Variants in MYO6 observed in about 807,000 individuals in gnomAD.
The protein encoded by MYO6 is myosin VI.
Under a neutral mutation model 178.7 loss-of-function variants are expected in MYO6, and 74 were observed. The ratio of observed to expected loss-of-function variants is 0.41; its 90% confidence interval spans 0.34 to 0.50. The LOEUF (loss-of-function observed/expected upper bound fraction) is 0.50. Ranked by LOEUF, MYO6 falls within the 20% of genes least tolerant of loss-of-function variation. The probability of loss-of-function intolerance (pLI) is 0.09; values close to 1 mark genes in which losing one functional copy is unlikely to be tolerated. For missense variants in MYO6, 1,330 were observed against 1,547.4 expected, an observed-to-expected ratio of 0.86 and a Z score of 2.36; for synonymous variants, 477 against 504.6, an observed-to-expected ratio of 0.95 and a Z score of 0.73.
At chr6:75,879,110 C>G (rs1358493739) in intron 20 of MYO6, among the ~76,000 whole-genome samples, 5 of 152,142 alleles carry the variant, frequency 3.3e-5, no homozygotes, top group African/African-American at 1.2e-4. Flanking sequence ...GAGTTTCTTT[C>G]AGGAATTTTG....
chr6:75,902,679 C>T (rs1779906881), intron 30 of MYO6, among the ~76,000 whole-genome samples: 1 of 151,940 alleles, frequency 6.6e-6, no homozygotes, highest in African/African-American at 2.4e-5. Context: ...AAAACCACCT[C>T]CTGGATTCAT....
In MYO6 at chr6:75,859,028, A is replaced by G. The variant is rs578149928; in HGVS notation, c.1473+35A>G. The G allele has an allele frequency of 8.3e-6, 11 of 1,328,240 alleles. No individual in the cohort carries two copies. The African/African-American group carries it at 1.4e-4, about 17-fold the overall frequency. 82.3% of individuals were successfully genotyped at this position (1,328,240 alleles called of 1,614,324 possible). On this transcript the variant is annotated intron_variant, in intron 14 of 34. Transcript: ENST00000369977. ...ATTATAAGTTTAATTTAAGATCTGC[A>G]TAAAGCTATTTTAAATTTTAAGGAA...
intron 1 of MYO6, among the ~76,000 whole-genome samples, chr6:75,777,087 G>T (rs1766467902): frequency 6.6e-6 from 1 of 152,114 alleles, no homozygotes; most frequent in Non-Finnish European, 1.5e-5. Context: ...AAGAAATACT[G>T]GTTCAGAGGA....
chr6:75,893,970 C>CTAGCT (rs1779100802), intron 28 of MYO6, among the ~76,000 whole-genome samples: 1 of 152,196 alleles, frequency 6.6e-6, no homozygotes, highest in African/African-American at 2.4e-5. Context: ...GTGTAACTGA[C>CTAGCT]TAGCCGCCTA....
At chr6:75,873,604 A>G (rs1188448290) in intron 20 of MYO6, among the ~76,000 whole-genome samples, 3 of 152,172 alleles carry the variant, frequency 2.0e-5, no homozygotes, top group African/African-American at 7.2e-5. Flanking sequence ...TAGATGGCAA[A>G]TTATTTGAGC....
chr6:75,860,099 G>A (rs936423473), intron 14 of MYO6, among the ~76,000 whole-genome samples: 2 of 152,182 alleles, frequency 1.3e-5, no homozygotes, highest in African/African-American at 4.8e-5. Context: ...TACTTTCCTT[G>A]TCATGCCACC....
chr6:75,760,339 T>A (rs1777834871), intron 1 of MYO6, among the ~76,000 whole-genome samples: 1 of 152,138 alleles, frequency 6.6e-6, no homozygotes, highest in African/African-American at 2.4e-5. Flanking sequence ...TTTCTCTTCT[T>A]AAAGAGATGG....
chr6:75,913,138 A>C (rs1780890149), intron 33 of MYO6, among the ~76,000 whole-genome samples: 1 of 152,156 alleles, frequency 6.6e-6, no homozygotes, highest in African/African-American at 2.4e-5. Flanking sequence ...TGGTTGTTCC[A>C]CTTTTGAAGT....
At chr6:75,774,281 T>G (rs542313428) in intron 1 of MYO6, among the ~76,000 whole-genome samples, 1 of 152,342 alleles carries the variant, frequency 6.6e-6, no homozygotes, top group Admixed American at 6.5e-5. Context: ...TGAATGTAAT[T>G]TAACAGCATG....
At chr6:75,899,751 A>G (rs1441198389) in intron 30 of MYO6, among the ~76,000 whole-genome samples, 1 of 143,446 alleles carries the variant, frequency 7.0e-6, no homozygotes, top group Non-Finnish European at 1.5e-5. Context: ...AATTATTATT[A>G]TACTTTAAGT....
At chr6:75,816,795 TA>T (rs1261581463) in intron 1 of MYO6, among the ~76,000 whole-genome samples, 1 of 152,220 alleles carries the variant, frequency 6.6e-6, no homozygotes, top group Non-Finnish European at 1.5e-5. Flanking sequence ...CAATAATATC[TA>T]TTCCTATGAC....
chr6:75,779,949 C>T (rs1238873920), intron 1 of MYO6, among the ~76,000 whole-genome samples: 1 of 152,054 alleles, frequency 6.6e-6, no homozygotes, highest in African/African-American at 2.4e-5. Context: ...TTTTCTTGCC[C>T]TATATCTTAC....
At chr6:75,773,754 T>G (rs1766112954) in intron 1 of MYO6, among the ~76,000 whole-genome samples, 2 of 152,178 alleles carry the variant, frequency 1.3e-5, no homozygotes, top group Admixed American at 1.3e-4. Context: ...GAAAGAGCAG[T>G]GTAAGATGGT....
chr6:75,818,991 A>G (rs1458841249), intron 2 of MYO6, among the ~76,000 whole-genome samples: 1 of 152,228 alleles, frequency 6.6e-6, no homozygotes, highest in East Asian at 1.9e-4. Context: ...AGGTGTTTAT[A>G]TATAGTTGTT....
Position 75,911,845 on chromosome 6 carries a change from TTTTAA to T in MYO6, c.3439+151_3439+155del, listed in dbSNP as rs1224200064. 3.5e-5 allele frequency: 26 copies of T among 738,604 alleles called. 1 individual carries two copies. Among genetic ancestry groups the T allele is most frequent in the Non-Finnish European group, 4.0e-5 (17 of 426,096 alleles). 45.8% of individuals were successfully genotyped at this position (738,604 alleles called of 1,614,324 possible). On this transcript the variant is annotated intron_variant, in intron 33 of 34. Coordinates refer to ENST00000369977, the MANE Select transcript of MYO6 (RefSeq NM_004999.4). ...GTTGTTATATCCATACTAAGATATA[TTTTAA>T]TTTGAGATGATGCTTTATTTGGATC...
intron 20 of MYO6, among the ~76,000 whole-genome samples, chr6:75,878,976 C>A (rs573743141): frequency 6.6e-6 from 1 of 152,274 alleles, no homozygotes; most frequent in South Asian, 2.1e-4. Context: ...GACTAATCAT[C>A]CCAGTAGTCT....
chr6:75,758,166 C>T (rs543378598), intron 1 of MYO6, among the ~76,000 whole-genome samples: 6 of 151,072 alleles, frequency 4.0e-5, no homozygotes, highest in East Asian at 2.0e-4. Flanking sequence ...TTAGTAGACA[C>T]GGGGTTTCAC....
intron 33 of MYO6, among the ~76,000 whole-genome samples, chr6:75,912,392 G>A (rs889858464): frequency 1.3e-5 from 2 of 152,146 alleles, no homozygotes; most frequent in South Asian, 2.1e-4. Flanking sequence ...ACAATTGAAT[G>A]TGAAGGAAAG....
At chr6:75,853,882 A>G (rs544187152) in intron 11 of MYO6, among the ~76,000 whole-genome samples, 48 of 152,282 alleles carry the variant, frequency 3.2e-4, no homozygotes, top group Non-Finnish European at 5.1e-4. Flanking sequence ...TATTCCAAGC[A>G]TTTCACATAC....
Sources: allele counts gnomAD v4.1 joint callset (sites outside exome capture counted in the v4.1 genomes callset), GRCh38; gene constraint gnomAD v4.1.1; transcripts MANE v1.5; gene names NCBI Gene and HGNC (gene_info 2026-07-23, HGNC 2026-07-21).